SLC1A7: variants seen among roughly 807,000 people sequenced by gnomAD.
SLC1A7 encodes the protein excitatory amino acid transporter 5.
SLC1A7 carries 40 observed loss-of-function variants against 47.7 expected under a neutral mutation model. The observed-to-expected ratio is 0.84, with a 90% CI of 0.65 to 1.09. The LOEUF is 1.09. Ranked by LOEUF, SLC1A7 falls within the 50% of genes least tolerant of loss-of-function variation. SLC1A7 has a pLI of 0.00. For missense variants in SLC1A7, 746 were observed against 769.5 expected (o/e 0.97, Z 0.36); for synonymous variants, 323 against 325.6 (o/e 0.99, Z 0.09).
At chr1:53,134,609 C>T (rs1400745771) in intron 1 of SLC1A7, among the ~76,000 whole-genome samples, 180 bp from the exon 2 acceptor site, 1 of 152,126 alleles carries the variant, frequency 6.6e-6, no homozygotes, top group Non-Finnish European at 1.5e-5. Flanking sequence ...CTGGTAAACA[C>T]CCCGCCTCCA....
chr1:53,117,522 C>T (rs551101460), intron 2 of SLC1A7, among the ~76,000 whole-genome samples: 2 of 152,186 alleles, frequency 1.3e-5, no homozygotes, highest in South Asian at 2.1e-4. Context: ...AGCAGCCATC[C>T]GGAGTGATCG....
At chr1:53,094,746 A>C (rs1434741889) in intron 5 of SLC1A7, among the ~76,000 whole-genome samples, 1 of 152,104 alleles carries the variant, frequency 6.6e-6, no homozygotes, top group Non-Finnish European at 1.5e-5. Context: ...CCCGGGCTCC[A>C]CCACCACCAC....
chr1:53,100,161 C>T (rs1644555509), intron 5 of SLC1A7, among the ~76,000 whole-genome samples: 1 of 146,198 alleles, frequency 6.8e-6, no homozygotes, highest in Admixed American at 6.8e-5. Context: ...CATACACCCA[C>T]ACACACCACC....
intron 2 of SLC1A7, among the ~76,000 whole-genome samples, chr1:53,129,640 C>A (rs758022609): frequency 7.1e-6 from 1 of 141,068 alleles, no homozygotes. Flanking sequence ...CCCCGCTGGC[C>A]CCACTGCCCT....
chr1:53,142,622 G>T lies in SLC1A7; in HGVS notation c.-173C>A. ...GCCCGTGTGGCCGCCTTAGAGGGAAGCCACAATCCTATTACCAGCTGCATC... is the reference window on the plus strand; with the variant it reads ...GCCCGTGTGGCCGCCTTAGAGGGAATCCACAATCCTATTACCAGCTGCATC... On this transcript the variant is annotated 5_prime_UTR_variant, in exon 1 of 11. Transcript: ENST00000371494. The T allele has an allele frequency of 1.6e-6, 1 of 628,690 alleles. No individual in the cohort carries two copies. The highest frequency in any genetic ancestry group is 2.7e-6 in the Non-Finnish European group (1 of 375,892). The allele number at this position is 628,690 out of a possible 1,614,324, so 38.9% of individuals were successfully genotyped here.
rs1408003363 is a variant in SLC1A7, at chr1:53,142,617, G to A, written c.-168C>T. On this transcript the variant is annotated 5_prime_UTR_variant, in exon 1 of 11. Coordinates refer to ENST00000371494, the MANE Select transcript of SLC1A7 (RefSeq NM_006671.6). Reference sequence around the variant, plus strand: ...GCCATGCCCGTGTGGCCGCCTTAGAGGGAAGCCACAATCCTATTACCAGCT... The same window carrying A: ...GCCATGCCCGTGTGGCCGCCTTAGAAGGAAGCCACAATCCTATTACCAGCT... 3.0e-6 allele frequency: 2 copies of A among 657,598 alleles called. No individual in the cohort carries two copies. Among genetic ancestry groups the A allele is most frequent in the Non-Finnish European group, 2.5e-6 (1 of 399,324 alleles). The allele number at this position is 657,598 out of a possible 1,614,324, so 40.7% of individuals were successfully genotyped here.
rs909497128 is a variant in SLC1A7 at position 53,142,609 on chromosome 1, G to C, written c.-160C>G. On this transcript the variant is annotated 5_prime_UTR_variant, in exon 1 of 11. Coordinates refer to ENST00000371494, the MANE Select transcript of SLC1A7 (RefSeq NM_006671.6). ...GCCCCACGGCCATGCCCGTGTGGCC[G>C]CCTTAGAGGGAAGCCACAATCCTAT... The C allele has an allele frequency of 1.2e-5, 8 of 695,486 alleles. No individual in the cohort carries two copies. In the African/African-American group the frequency reaches 1.4e-4, roughly 13 times the overall value. 43.1% of individuals were successfully genotyped at this position (695,486 alleles called of 1,614,324 possible). A position where few individuals can be genotyped will look rare whatever the true frequency, so the allele number is the denominator to read the frequency against.
chr1:53,136,546 AATATATATAAAC>A (rs199819653), intron 1 of SLC1A7, among the ~76,000 whole-genome samples: 27 of 39,564 alleles, frequency 6.8e-4, no homozygotes, highest in Middle Eastern at 0.01. Context: ...ACATATATAT[AATATATATAAAC>A]ATATATATAA....
At chr1:53,113,911 G>A (rs1288375) in intron 3 of SLC1A7, among the ~76,000 whole-genome samples, 68,838 of 151,696 alleles carry the variant, frequency 0.45, 17,600 homozygotes, top group Middle Eastern at 0.67. Flanking sequence ...CACAGCTATC[G>A]CCCCCAGGCC....
At chr1:53,137,242 G>A (rs971951617) in intron 1 of SLC1A7, among the ~76,000 whole-genome samples, 6 of 140,370 alleles carry the variant, frequency 4.3e-5, no homozygotes, top group African/African-American at 1.3e-4. Context: ...AGCTAAGATC[G>A]CACCACTGCA....
intron 2 of SLC1A7, chr1:53,115,218 C>T: frequency 3.5e-6 from 2 of 570,304 alleles, no homozygotes; most frequent in Non-Finnish European, 6.3e-6. Context: ...AGGCAGAGAG[C>T]CCAGGCCAGG....
chr1:53,136,026 C>A (rs564798037), intron 1 of SLC1A7, among the ~76,000 whole-genome samples: 1 of 151,758 alleles, frequency 6.6e-6, no homozygotes, highest in Non-Finnish European at 1.5e-5. Flanking sequence ...GAAGCTGAAC[C>A]GCAAAAGGGA....
At chr1:53,115,405 A>G (rs1572331075) in intron 2 of SLC1A7, 1 of 192,716 alleles carries the variant, frequency 5.2e-6, no homozygotes, top group South Asian at 1.1e-4. Flanking sequence ...TCTGAGATCT[A>G]CCTGCCTCTC....
chr1:53,136,904 C>T (rs2150347564), intron 1 of SLC1A7, among the ~76,000 whole-genome samples: 2 of 151,786 alleles, frequency 1.3e-5, no homozygotes, highest in Non-Finnish European at 2.9e-5. Context: ...TGGACTCAAA[C>T]AGTCCTCCCA....
rs1026640927 is a variant in SLC1A7, at chr1:53,087,391, A to G, written c.*618T>C. 1 of 152,196 alleles carries G rather than the reference A, an allele frequency of 6.6e-6. No individual in the cohort carries two copies. Among genetic ancestry groups the G allele is most frequent in the African/African-American group, 2.4e-5 (1 of 41,446 alleles). The allele number at this position is 152,196 out of a possible 1,614,324, so 9.4% of individuals were successfully genotyped here. On this transcript the variant is annotated 3_prime_UTR_variant, in exon 11 of 11. Coordinates refer to ENST00000371494, the MANE Select transcript of SLC1A7 (RefSeq NM_006671.6). Reference sequence around the variant, plus strand: ...CATGGGAGGTTGGCCTGGATGTGTCAAGGGGGCCTTTCAGCTCTAGTAAAG... The same window carrying G: ...CATGGGAGGTTGGCCTGGATGTGTCGAGGGGGCCTTTCAGCTCTAGTAAAG...
intron 5 of SLC1A7, among the ~76,000 whole-genome samples, chr1:53,097,372 ACACTCACACACAC>A (rs1361613187): frequency 7.3e-6 from 1 of 137,722 alleles, no homozygotes; most frequent in Non-Finnish European, 1.6e-5. Context: ...CCCCCTCGGT[ACACTCACACACAC>A]TGCCTCGGAA....
chr1:53,114,215 T>G (rs1427623647), intron 3 of SLC1A7, among the ~76,000 whole-genome samples: 1 of 152,132 alleles, frequency 6.6e-6, no homozygotes, highest in African/African-American at 2.4e-5. Flanking sequence ...CTGCAGTGCT[T>G]CCCTGGAGAG....
intron 2 of SLC1A7, among the ~76,000 whole-genome samples, chr1:53,124,249 A>AACACACACACACAC (rs67205575): frequency 8.7e-3 from 61 of 6,976 alleles, no homozygotes; most frequent in Admixed American, 0.011. Flanking sequence ...ATACATACAC[A>AACACACACACACAC]ACACACACAC....
chr1:53,122,022 C>T (rs1430423006), intron 2 of SLC1A7, among the ~76,000 whole-genome samples: 3 of 149,728 alleles, frequency 2.0e-5, no homozygotes, highest in Non-Finnish European at 4.4e-5. Context: ...AGCTGGGGGG[C>T]TGGGGGGCAG....
Sources: gnomAD v4.1 joint callset for allele counts (sites outside exome capture counted in the v4.1 genomes callset) on GRCh38, gnomAD v4.1.1 for gene constraint, MANE v1.5 for transcripts, NCBI Gene and HGNC (gene_info 2026-07-23, HGNC 2026-07-21) for gene names.